Variants in SYNE2 observed in about 807,000 individuals in gnomAD.
SYNE2 encodes nesprin-2.
In SYNE2, 431 loss-of-function variants were observed where a neutral mutation model predicts 856.3. That is an observed-to-expected ratio of 0.50 (90% CI 0.47 to 0.55). The LOEUF (loss-of-function observed/expected upper bound fraction) is 0.55. Ranked by LOEUF, SYNE2 falls within the 20% of genes least tolerant of loss-of-function variation. The pLI, the probability that SYNE2 is intolerant of heterozygous loss-of-function variation, is 0.00. For synonymous variants in SYNE2, 2,923 were observed against 2,872.3 expected (o/e 1.02, Z -0.56); for missense variants, 8,129 against 8,023.2 (o/e 1.01, Z -0.50).
At chr14:63,802,694 C>T (rs1350661814) in intron 1 of SYNE2, among the ~76,000 whole-genome samples, 3 of 152,068 alleles carry the variant, frequency 2.0e-5, no homozygotes, top group East Asian at 1.9e-4. Context: ...CATCTCTTAA[C>T]GTGGCGCGTC....
intron 35 of SYNE2, 108 bp from the exon 36 acceptor site, chr14:64,021,207 A>T: frequency 1.2e-6 from 1 of 862,604 alleles, no homozygotes; most frequent in Non-Finnish European, 1.9e-6. Context: ...AAAAGAATGC[A>T]TTTCACATTG....
intron 1 of SYNE2, among the ~76,000 whole-genome samples, chr14:63,899,137 T>G (rs182249940): frequency 1.3e-5 from 2 of 152,278 alleles, no homozygotes; most frequent in East Asian, 3.9e-4. Context: ...TGTGGAAAAT[T>G]TTCTGATTAT....
intron 105 of SYNE2, among the ~76,000 whole-genome samples, chr14:64,213,700 A>G (rs1490631020): frequency 2.1e-4 from 32 of 152,120 alleles, no homozygotes; most frequent in Admixed American, 2.1e-3. Context: ...ACTTAGAGTC[A>G]TTTTTCTTAG....
intron 66 of SYNE2, among the ~76,000 whole-genome samples, chr14:64,116,307 TATC>T (rs939078262): frequency 7.2e-5 from 11 of 152,164 alleles, no homozygotes; most frequent in African/African-American, 1.2e-4. Flanking sequence ...ATTAAAAAAA[TATC>T]ATTCTGGAAA....
At chr14:64,061,831 T>G (rs1477963082) in intron 49 of SYNE2, among the ~76,000 whole-genome samples, 2 of 152,208 alleles carry the variant, frequency 1.3e-5, no homozygotes, top group Non-Finnish European at 2.9e-5. Flanking sequence ...GGCTCCCAGC[T>G]TTATGGTCTG....
At chr14:64,201,068 G>A (rs999244650) in intron 99 of SYNE2, among the ~76,000 whole-genome samples, 2 of 152,194 alleles carry the variant, frequency 1.3e-5, no homozygotes, top group Admixed American at 6.5e-5. Context: ...CAAGCTCACC[G>A]CCACCTGCAA....
intron 8 of SYNE2, among the ~76,000 whole-genome samples, chr14:63,958,177 A>G (rs2096264501): frequency 6.6e-6 from 1 of 152,222 alleles, no homozygotes; most frequent in African/African-American, 2.4e-5. Flanking sequence ...AGTATAGTAC[A>G]TTTGTTATAA....
chr14:63,932,034 A>T (rs182200146), intron 2 of SYNE2, among the ~76,000 whole-genome samples: 20 of 152,346 alleles, frequency 1.3e-4, no homozygotes, highest in African/African-American at 4.6e-4. Flanking sequence ...TCAACAAAGT[A>T]TTGTCAGAGG....
chr14:64,063,328 G>A (rs920080466), intron 50 of SYNE2, among the ~76,000 whole-genome samples: 1 of 152,200 alleles, frequency 6.6e-6, no homozygotes, highest in Non-Finnish European at 1.5e-5. Context: ...GATTATAGGC[G>A]CGAGCCACTG....
intron 1 of SYNE2, among the ~76,000 whole-genome samples, chr14:63,907,473 C>A (rs934613321): frequency 1.3e-5 from 2 of 152,118 alleles, no homozygotes; most frequent in Non-Finnish European, 2.9e-5. Context: ...GTGGAGATAA[C>A]TGTAGTTCCT....
intron 11 of SYNE2, among the ~76,000 whole-genome samples, chr14:63,973,946 A>G (rs1595967336): frequency 6.6e-6 from 1 of 152,126 alleles, no homozygotes; most frequent in Non-Finnish European, 1.5e-5. Flanking sequence ...TTTAAAAAAC[A>G]ATAGAACTCA....
intron 77 of SYNE2, 136 bp downstream of exon 77, chr14:64,132,574 C>G: frequency 1.7e-6 from 2 of 1,204,166 alleles, no homozygotes; most frequent in Non-Finnish European, 2.4e-6. Flanking sequence ...GAATGTGGAC[C>G]CCTGCTCAGG....
chr14:63,761,892 G>T, upstream of SYNE2: 1 of 213,600 alleles, frequency 4.7e-6, no homozygotes, highest in South Asian at 6.2e-5. Context: ...GAGCGGCGGC[G>T]GCAGCTGCAG....
intron 2 of SYNE2, among the ~76,000 whole-genome samples, chr14:63,911,624 T>C (rs1359677615): frequency 1.3e-5 from 2 of 152,256 alleles, no homozygotes; most frequent in African/African-American, 4.8e-5. Context: ...AGCTGTGTTT[T>C]GACTAGGACA....
intron 1 of SYNE2, among the ~76,000 whole-genome samples, chr14:63,772,363 A>C (rs117462675): frequency 0.029 from 4,389 of 151,966 alleles, 124 homozygotes; most frequent in Non-Finnish European, 0.047. Flanking sequence ...CAAAAACAAA[A>C]AAACAAACAA....
At chr14:64,016,655 C>A (rs1245073768) in intron 33 of SYNE2, 24 bp downstream of exon 33, 2 of 1,504,608 alleles carry the variant, frequency 1.3e-6, no homozygotes, top group Non-Finnish European at 1.8e-6. Context: ...TCATTGATTG[C>A]AAATTTAATT....
At chr14:64,122,191 G>A (rs1430390769) in intron 69 of SYNE2, 58 bp downstream of exon 69, 23 of 1,613,846 alleles carry the variant, frequency 1.4e-5, no homozygotes, top group Non-Finnish European at 1.8e-5. Context: ...GGAGAATTAA[G>A]AGTGTTTCTT....
At chr14:63,929,055 A>T (rs1364410768) in intron 2 of SYNE2, among the ~76,000 whole-genome samples, 2 of 152,146 alleles carry the variant, frequency 1.3e-5, no homozygotes, top group Non-Finnish European at 2.9e-5. Flanking sequence ...CTGGTTCCTG[A>T]CACAGAGCTC....
At chr14:64,045,907 G>A (rs527276532) in intron 45 of SYNE2, among the ~76,000 whole-genome samples, 73 of 152,266 alleles carry the variant, frequency 4.8e-4, no homozygotes, top group Admixed American at 2.3e-3. Flanking sequence ...TCACACCCCT[G>A]CACCCAGTTT....
Sources: gnomAD v4.1 joint callset for allele counts (sites outside exome capture counted in the v4.1 genomes callset) on GRCh38, gnomAD v4.1.1 for gene constraint, MANE v1.5 for transcripts, NCBI Gene and HGNC (gene_info 2026-07-23, HGNC 2026-07-21) for gene names.